PRDM16: variants seen among roughly 807,000 people sequenced by gnomAD.
PRDM16 encodes the protein histone-lysine N-methyltransferase PRDM16.
A neutral mutation model predicts 110.6 loss-of-function variants in PRDM16; 23 were observed. The observed-to-expected ratio is 0.21, with a 90% CI of 0.15 to 0.29. PRDM16 has a LOEUF of 0.29. Among genes scored for constraint, PRDM16 ranks in the 10% least tolerant of loss-of-function variants. The probability of loss-of-function intolerance (pLI) is 1.00; values close to 1 mark genes in which losing one functional copy is unlikely to be tolerated. For synonymous variants in PRDM16, 799 were observed against 781.8 expected (o/e 1.02, Z -0.37); for missense variants, 1,615 against 1,794.3 (o/e 0.90, Z 1.81).
intron 3 of PRDM16, among the ~76,000 whole-genome samples, chr1:3,283,063 G>A (rs1478699742): frequency 2.6e-5 from 4 of 152,212 alleles, no homozygotes; most frequent in African/African-American, 4.8e-5. Context: ...GGGAGGCAGC[G>A]CTTCCCGAGC....
At chr1:3,315,410 C>T (rs1371840679) in intron 3 of PRDM16, among the ~76,000 whole-genome samples, 1 of 152,196 alleles carries the variant, frequency 6.6e-6, no homozygotes, top group African/African-American at 2.4e-5. Flanking sequence ...GGGGTGGGGG[C>T]TGGCAGTGAA....
At position 3,425,680 on chromosome 1, in the gene PRDM16, C is replaced by T. The variant is rs1638582837; in HGVS notation, c.3039C>T (p.Cys1013=). ...AGAAGCCTTTCAAGTGCCACCTGTG[C>T]AACCGCTGCTTCGGGCAGCAGACCA... is the stretch of plus-strand genomic sequence containing the variant. ...NKEKPFKCHL[C]NRCFGQQTNL... is the part of the protein sequence containing the mutation. The change falls in exon 13 of 17, where the codon TGC becomes TGT. Residue 1013 remains cysteine, a synonymous_variant. Transcript: ENST00000270722. This position sits in a 1 kb window ranked among gnomAD's most constrained non-coding sequence, Gnocchi z 6.9. 2 of 1,613,982 alleles carry T rather than the reference C, an allele frequency of 1.2e-6. No individual in the cohort carries two copies. The highest frequency in any genetic ancestry group is 4.5e-5 in the East Asian group (2 of 44,862).
In PRDM16 at chr1:3,434,270, T is replaced by G. The variant is rs1638850569; in HGVS notation, c.*459T>G. 4.3e-6 allele frequency: 1 copy of G among 234,932 alleles called. No individual in the cohort carries two copies. Among genetic ancestry groups the G allele is most frequent in the South Asian group, 1.8e-4 (1 of 5,592 alleles). The allele number at this position is 234,932 out of a possible 1,614,324, so 14.6% of individuals were successfully genotyped here. On this transcript the variant is annotated 3_prime_UTR_variant, in exon 17 of 17. Transcript: ENST00000270722. ...TAACCCTTTTGGTAACCGTATTGAC[T>G]GCAGAGTCTATTTAAGCATGTGGTT...
rs965776447 is a variant in PRDM16 at position 3,290,365 on chromosome 1, C to G, written c.438+46228C>G. Among the ~76,000 whole-genome samples, 1 of 152,190 alleles carries G rather than the reference C, an allele frequency of 6.6e-6. No homozygotes were observed. Reference sequence around the variant, plus strand: ...CTGGAAGAGGAGAGCCTCTCAGTATCCCCACCTTATAGATGAGGAGGCACA... The same window carrying G: ...CTGGAAGAGGAGAGCCTCTCAGTATGCCCACCTTATAGATGAGGAGGCACA... On this transcript the variant is annotated intron_variant, in intron 3 of 16. Transcript: ENST00000270722. This position sits in a 1 kb window ranked among gnomAD's most constrained non-coding sequence, Gnocchi z 4.8.
At chr1:3,119,371 G>A (rs893344371) in intron 1 of PRDM16, among the ~76,000 whole-genome samples, 1 of 152,274 alleles carries the variant, frequency 6.6e-6, no homozygotes, top group Admixed American at 6.5e-5. Context: ...TCCAGACACT[G>A]GCGTGGAAAG....
At chr1:3,417,663 G>A (rs1451522183) in intron 10 of PRDM16, among the ~76,000 whole-genome samples, 165 bp from the exon 11 acceptor site, 1 of 152,182 alleles carries the variant, frequency 6.6e-6, no homozygotes, top group African/African-American at 2.4e-5. Context: ...ACAGAAAGGT[G>A]AAAAAATCCA....
chr1:3,410,075 CAT>C (rs1643657886), intron 8 of PRDM16, among the ~76,000 whole-genome samples: 1 of 115,896 alleles, frequency 8.6e-6, no homozygotes, highest in African/African-American at 3.5e-5. Context: ...TGTGTATGTG[CAT>C]GTGTATGAAT....
chr1:3,181,589 T>C (rs373827255), intron 1 of PRDM16, among the ~76,000 whole-genome samples: 157 of 30,660 alleles, frequency 5.1e-3, no homozygotes, highest in African/African-American at 9.8e-3. Flanking sequence ...CGGTCTTACA[T>C]ATGGTCTTAC....
intron 3 of PRDM16, among the ~76,000 whole-genome samples, chr1:3,338,557 C>G (rs1642207970): frequency 6.6e-6 from 1 of 152,306 alleles, no homozygotes; most frequent in African/African-American, 2.4e-5. Context: ...GTCTGACTGC[C>G]CAGGGTGGCC....
intron 3 of PRDM16, among the ~76,000 whole-genome samples, chr1:3,306,468 G>A (rs1243365509): frequency 1.3e-5 from 2 of 152,186 alleles, no homozygotes; most frequent in Admixed American, 6.5e-5. Flanking sequence ...CTGGAAGGAC[G>A]AACTTCATTT....
Position 3,425,321 on chromosome 1 carries a change from A to G in PRDM16, c.2940-260A>G, listed in dbSNP as rs953649000. The G allele has an allele frequency of 9.1e-5, 31 of 340,160 alleles. 1 individual carries two copies. The highest frequency in any genetic ancestry group is 2.9e-4 in the African/African-American group (14 of 47,492). 21.1% of individuals were successfully genotyped at this position (340,160 alleles called of 1,614,324 possible). A position where few individuals can be genotyped will look rare whatever the true frequency, so the allele number is the denominator to read the frequency against. On this transcript the variant is annotated intron_variant, in intron 12 of 16. Transcript: ENST00000270722. This position sits in a 1 kb window ranked among gnomAD's most constrained non-coding sequence, Gnocchi z 6.9. ...TCTCGATCTCCTGACCTCGTGATCC[A>G]CCCGCCTTGGCCTCCCAAAGTGCTG... is the stretch of plus-strand genomic sequence containing the variant.
chr1:3,348,250 G>A (rs1393540071), intron 3 of PRDM16, among the ~76,000 whole-genome samples: 2 of 152,200 alleles, frequency 1.3e-5, no homozygotes, highest in African/African-American at 4.8e-5. Flanking sequence ...GCTCAGCCCA[G>A]GACCATAGGA....
At chr1:3,316,037 G>C (rs571924533) in intron 3 of PRDM16, among the ~76,000 whole-genome samples, 5 of 152,092 alleles carry the variant, frequency 3.3e-5, no homozygotes, top group African/African-American at 1.2e-4. Context: ...TTGGACAGGG[G>C]CTGGGCCTTT....
chr1:3,136,618 A>G (rs1005397035), intron 1 of PRDM16, among the ~76,000 whole-genome samples: 1 of 152,156 alleles, frequency 6.6e-6, no homozygotes, highest in African/African-American at 2.4e-5. Context: ...TTCTGGGGCC[A>G]CAAAGGTCGT....
chr1:3,085,407 TG>T (rs1425777138), intron 1 of PRDM16, among the ~76,000 whole-genome samples: 1 of 152,232 alleles, frequency 6.6e-6, no homozygotes, highest in Non-Finnish European at 1.5e-5. Context: ...TGCCAACTGC[TG>T]GGACCTGACC....
chr1:3,328,942 G>A (rs748334184), intron 3 of PRDM16, among the ~76,000 whole-genome samples: 1 of 152,288 alleles, frequency 6.6e-6, no homozygotes, highest in South Asian at 2.1e-4. Flanking sequence ...TGCCGGGGGA[G>A]GGCACCAATG....
chr1:3,093,751 GCAGGAGCT>G (rs1642328959), intron 1 of PRDM16, among the ~76,000 whole-genome samples: 1 of 152,210 alleles, frequency 6.6e-6, no homozygotes, highest in Non-Finnish European at 1.5e-5. Context: ...AGGCTAGCCT[GCAGGAGCT>G]CAGGGCAAAC....
rs116252249 is a variant in PRDM16, at chr1:3,138,182, C to T, written c.38-47943C>T. 9.3e-3 allele frequency among the ~76,000 whole-genome samples: 1,415 copies of T among 152,338 alleles called. 31 individuals carry two copies. Among genetic ancestry groups the T allele is most frequent in the African/African-American group, 0.032 (1,317 of 41,558 alleles). ...TTCCCTTGCCATTTCCTTCTGTCCC[C>T]CTCCTATAATCCTGGGGAGAGGCCG... On this transcript the variant is annotated intron_variant, in intron 1 of 16. Transcript: ENST00000270722.
rs144382627 is a variant in PRDM16 at position 3,075,739 on chromosome 1, A to G, written c.37+6443A>G. The stretch of plus-strand genomic sequence containing the variant: ...GGCGGTGCCGTTTCCGAACCTGCAC[A>G]CGCACCTCTCAGAGTGGAGGCCGTG... On this transcript the variant is annotated intron_variant, in intron 1 of 16. Coordinates refer to ENST00000270722, the MANE Select transcript of PRDM16 (RefSeq NM_022114.4). Among the ~76,000 whole-genome samples the G allele has an allele frequency of 4.6e-3, 695 of 152,346 alleles. 5 individuals are homozygous for G. Among genetic ancestry groups the G allele is most frequent in the African/African-American group, 0.015 (639 of 41,590 alleles).
Sources: allele counts gnomAD v4.1 joint callset (sites outside exome capture counted in the v4.1 genomes callset), GRCh38; gene constraint gnomAD v4.1.1; non-coding constraint Gnocchi (gnomAD v3.1); transcripts MANE v1.5; gene names NCBI Gene and HGNC (gene_info 2026-07-23, HGNC 2026-07-21).